Variants in FNBP1L observed in about 807,000 individuals in gnomAD.
The protein encoded by FNBP1L is formin binding protein 1 like.
In FNBP1L, 36 loss-of-function variants were observed where a neutral mutation model predicts 91.2. The ratio of observed to expected loss-of-function variants is 0.39; its 90% confidence interval spans 0.30 to 0.52. The LOEUF (loss-of-function observed/expected upper bound fraction) is 0.52, where lower values mean the gene tolerates loss of function less well. FNBP1L is among the 20% of genes least tolerant of loss of function. The probability of loss-of-function intolerance (pLI) is 0.66; values close to 1 mark genes in which losing one functional copy is unlikely to be tolerated. For synonymous variants in FNBP1L, 242 were observed against 237.0 expected (o/e 1.02, Z -0.19); for missense variants, 571 against 732.1 (o/e 0.78, Z 2.54).
intron 7 of FNBP1L, among the ~76,000 whole-genome samples, chr1:93,531,677 C>CA (rs1671682093): frequency 6.6e-6 from 1 of 152,166 alleles, no homozygotes; most frequent in Admixed American, 6.5e-5. Flanking sequence ...CCAAGCCTGC[C>CA]AGTCTTCACT....
chr1:93,514,225 T>A (rs1331945705), intron 2 of FNBP1L, among the ~76,000 whole-genome samples: 1 of 152,174 alleles, frequency 6.6e-6, no homozygotes, highest in Non-Finnish European at 1.5e-5. Flanking sequence ...GTGAAGGACC[T>A]CTTCAAGGAG....
intron 10 of FNBP1L, among the ~76,000 whole-genome samples, chr1:93,538,856 C>A (rs910590794): frequency 3.9e-5 from 6 of 151,912 alleles, no homozygotes; most frequent in African/African-American, 1.4e-4. Context: ...ATGATTTTTT[C>A]TTTTTCTTTT....
At chr1:93,539,299 T>A (rs1671947359) in intron 10 of FNBP1L, among the ~76,000 whole-genome samples, 1 of 152,016 alleles carries the variant, frequency 6.6e-6, no homozygotes, top group Non-Finnish European at 1.5e-5. Context: ...CTCTCTTGTG[T>A]TTATTAAATG....
intron 1 of FNBP1L, among the ~76,000 whole-genome samples, chr1:93,497,232 G>A (rs901649311): frequency 9.2e-5 from 14 of 152,172 alleles, no homozygotes; most frequent in African/African-American, 3.1e-4. Context: ...AAAGTGCTGG[G>A]ATTACAGGCG....
chr1:93,526,891 A>T (rs1256655447), intron 5 of FNBP1L, among the ~76,000 whole-genome samples: 1 of 152,226 alleles, frequency 6.6e-6, no homozygotes, highest in Admixed American at 6.5e-5. Context: ...AAGTAGCCTC[A>T]GTTTGTACCA....
chr1:93,514,120 C>G (rs1041121164), intron 2 of FNBP1L, among the ~76,000 whole-genome samples: 1 of 151,966 alleles, frequency 6.6e-6, no homozygotes, highest in Admixed American at 6.5e-5. Context: ...TTCTTATACA[C>G]CAACAACAGA....
intron 9 of FNBP1L, among the ~76,000 whole-genome samples, chr1:93,535,143 T>C (rs1671803335): frequency 6.6e-6 from 1 of 152,140 alleles, no homozygotes; most frequent in South Asian, 2.1e-4. Context: ...TGTTAATATC[T>C]AGTTAAGTTA....
intron 1 of FNBP1L, among the ~76,000 whole-genome samples, chr1:93,448,562 G>T (rs1172365387): frequency 6.6e-6 from 1 of 152,126 alleles, no homozygotes; most frequent in African/African-American, 2.4e-5. Context: ...GGCCGGGGGA[G>T]CAGCCCGCGG....
chr1:93,517,456 C>T (rs12034656), intron 2 of FNBP1L, among the ~76,000 whole-genome samples: 18,046 of 152,108 alleles, frequency 0.12, 1,319 homozygotes, highest in East Asian at 0.32. Flanking sequence ...CCTCCCAAAG[C>T]ACTGAGATTG....
intron 1 of FNBP1L, among the ~76,000 whole-genome samples, chr1:93,482,406 A>G (rs938783648): frequency 1.3e-5 from 2 of 152,164 alleles, no homozygotes; most frequent in African/African-American, 4.8e-5. Context: ...AGGTCAAGTT[A>G]AGAATTTTAA....
chr1:93,509,605 G>C (rs1670750029), intron 2 of FNBP1L, among the ~76,000 whole-genome samples: 1 of 152,232 alleles, frequency 6.6e-6, no homozygotes, highest in Non-Finnish European at 1.5e-5. Context: ...TCAATCGGAG[G>C]AGCCAAGATG....
chr1:93,468,506 C>G (rs970750576), intron 1 of FNBP1L, among the ~76,000 whole-genome samples: 1 of 152,212 alleles, frequency 6.6e-6, no homozygotes, highest in Non-Finnish European at 1.5e-5. Context: ...TCTTGGCTCA[C>G]TGCAGCCTCG....
chr1:93,519,005 A>C (rs1052774707), intron 2 of FNBP1L, among the ~76,000 whole-genome samples: 1 of 152,208 alleles, frequency 6.6e-6, no homozygotes, highest in Non-Finnish European at 1.5e-5. Flanking sequence ...GTCATGCCCA[A>C]TTACTAGTTT....
At chr1:93,507,105 ACACTCTCTCTCTCTCT>A (rs1670659391) in intron 2 of FNBP1L, among the ~76,000 whole-genome samples, 15 of 48,832 alleles carry the variant, frequency 3.1e-4, no homozygotes, top group South Asian at 1.8e-3. Flanking sequence ...ACACACACAC[ACACTCTCTCTCTCTCT>A]CTCTCTCTCT....
At chr1:93,517,368 C>G (rs1005313155) in intron 2 of FNBP1L, among the ~76,000 whole-genome samples, 3 of 151,990 alleles carry the variant, frequency 2.0e-5, no homozygotes, top group African/African-American at 7.2e-5. Flanking sequence ...CTCTCTTTCC[C>G]AGGCTGGAGT....
intron 1 of FNBP1L, among the ~76,000 whole-genome samples, chr1:93,472,597 G>C (rs541399743): frequency 1.6e-3 from 236 of 151,884 alleles, no homozygotes; most frequent in Middle Eastern, 3.4e-3. Flanking sequence ...TGGATCACGA[G>C]GTCAGGAGAT....
chr1:93,518,638 T>C (rs1342312255), intron 2 of FNBP1L, among the ~76,000 whole-genome samples: 1 of 152,180 alleles, frequency 6.6e-6, no homozygotes, highest in Non-Finnish European at 1.5e-5. Flanking sequence ...TTTAGACTTG[T>C]TGAATAGAGG....
intron 1 of FNBP1L, among the ~76,000 whole-genome samples, chr1:93,472,428 GC>G (rs1018084694): frequency 1.3e-5 from 2 of 151,934 alleles, no homozygotes; most frequent in Admixed American, 1.3e-4. Flanking sequence ...TGTATCCAGA[GC>G]CCTTATTCTT....
rs944462480 is a variant in FNBP1L at position 93,476,752 on chromosome 1, A to G, written c.25-22716A>G. On this transcript the variant is annotated intron_variant, in intron 1 of 16. Coordinates refer to ENST00000271234, the MANE Select transcript of FNBP1L (RefSeq NM_001164473.3). ...ATGTAGCATGTGCAAATACTCTTAA[A>G]CAGGAGGGTGTCTTTCTCAATGAAA... Among the ~76,000 whole-genome samples the G allele has an allele frequency of 6.6e-5, 10 of 152,076 alleles. No homozygotes were observed. In the East Asian group the frequency reaches 1.9e-3, roughly 29 times the overall value.
Sources: allele counts gnomAD v4.1 joint callset (sites outside exome capture counted in the v4.1 genomes callset), GRCh38; gene constraint gnomAD v4.1.1; transcripts MANE v1.5; gene names NCBI Gene and HGNC (gene_info 2026-07-23, HGNC 2026-07-21).